SYNE1: variants seen among roughly 807,000 people sequenced by gnomAD.
SYNE1 encodes nesprin-1.
In SYNE1, 616 loss-of-function variants were observed where a neutral mutation model predicts 1,111.0. The ratio of observed to expected loss-of-function variants is 0.55; its 90% CI spans 0.52 to 0.59. The LOEUF is 0.59. SYNE1 is among the 20% of genes least tolerant of loss of function. The probability of loss-of-function intolerance (pLI) is 0.00; values close to 1 mark genes in which losing one functional copy is unlikely to be tolerated. For missense variants in SYNE1, 10,006 were observed against 10,417.0 expected (o/e 0.96, Z 1.72); for synonymous variants, 3,855 against 3,825.8 (o/e 1.01, Z -0.28).
Position 152,462,781 on chromosome 6 carries a change from T to C in SYNE1, c.2207A>G (p.Glu736Gly). ...TAGCTTGACATTCATAAAAGAGACTTCTAAGGGTTCAGAAAGTTTCTTATG... is the reference window on the plus strand; with the variant it reads ...TAGCTTGACATTCATAAAAGAGACTCCTAAGGGTTCAGAAAGTTTCTTATG... ...EAHKKLSEPL[E>G]VSFMNVKLLI... The change falls in exon 20 of 146, where the codon GAA becomes GGA. Residue 736 changes from glutamate (E) to glycine (G), a missense_variant. Glu to Gly is a moderately conservative substitution (Grantham distance 98). Coordinates refer to ENST00000367255, the MANE Select transcript of SYNE1 (RefSeq NM_182961.4). 1 of 1,614,042 alleles carries C rather than the reference T, an allele frequency of 6.2e-7. No homozygotes were observed. Among genetic ancestry groups the C allele is most frequent in the Non-Finnish European group, 8.5e-7 (1 of 1,179,954 alleles).
At chr6:152,130,692 C>G in intron 145 of SYNE1, 28 bp downstream of exon 145, 2 of 1,613,210 alleles carry the variant, frequency 1.2e-6, no homozygotes, top group Non-Finnish European at 1.7e-6. Context: ...GGTTCTAGAA[C>G]AGTGTGGAAA....
intron 71 of SYNE1, 121 bp from the exon 72 acceptor site, chr6:152,350,456 G>T: frequency 6.7e-7 from 1 of 1,499,666 alleles, no homozygotes; most frequent in South Asian, 1.1e-5. Flanking sequence ...AAAACTACCA[G>T]GAATGGAAAA....
chr6:152,331,287 G>A lies in SYNE1; in HGVS notation c.13398C>T (p.Thr4466=), dbSNP rs765404995. The A allele has an allele frequency of 2.5e-6, 4 of 1,613,998 alleles. No homozygotes were observed. The highest frequency in any genetic ancestry group is 4.5e-5 in the East Asian group (2 of 44,896). The change falls in exon 78 of 146, where the codon ACC becomes ACT. Residue 4466 remains threonine, a synonymous_variant. Coordinates refer to ENST00000367255, the MANE Select transcript of SYNE1 (RefSeq NM_182961.4). ...TQFLMAVFQA[T]SQIQQHERKI... is the part of the protein sequence containing the mutation. ...TTCGCTCATGTTGCTGAATTTGGCT[G>A]GTGGCCTGGAACACTGCCATGAGAA... is the stretch of plus-strand genomic sequence containing the variant.
intron 127 of SYNE1, among the ~76,000 whole-genome samples, chr6:152,192,474 A>G (rs2072789175): frequency 6.6e-6 from 1 of 151,756 alleles, no homozygotes; most frequent in African/African-American, 2.4e-5. Flanking sequence ...TTAAATGTAT[A>G]TTATTATTAT....
intron 5 of SYNE1, among the ~76,000 whole-genome samples, chr6:152,521,567 A>T (rs530091728): frequency 3.9e-5 from 6 of 152,298 alleles, no homozygotes; most frequent in Admixed American, 2.6e-4. Flanking sequence ...TAAAATGTAT[A>T]TGTACTCTTT....
At position 152,615,323 on chromosome 6, in the gene SYNE1, G is replaced by A. The variant is rs115624082; in HGVS notation, c.67+12942C>T. Among the ~76,000 whole-genome samples, 813 of 152,042 alleles carry A rather than the reference G, an allele frequency of 5.3e-3. 7 individuals are homozygous for A. Among genetic ancestry groups the A allele is most frequent in the African/African-American group, 0.018 (764 of 41,478 alleles). On this transcript the variant is annotated intron_variant, in intron 3 of 145. Coordinates refer to ENST00000367255, the MANE Select transcript of SYNE1 (RefSeq NM_182961.4). ...AGTAGGATGTTTAATATTATTAGCC[G>A]TCTTCCAAATATTTATAAATATTTA... is the stretch of plus-strand genomic sequence containing the variant.
rs1491494128 is a variant in SYNE1 at position 152,364,721 on chromosome 6, GAA to G, written c.10145+124_10145+125del. 16 of 1,092,028 alleles carry G rather than the reference GAA, an allele frequency of 1.5e-5. 1 individual carries two copies. The highest frequency in any genetic ancestry group is 1.2e-4 in the East Asian group (5 of 41,314). 67.6% of individuals were successfully genotyped at this position (1,092,028 alleles called of 1,614,324 possible). A position where few individuals can be genotyped will look rare whatever the true frequency, so the allele number is the denominator to read the frequency against. ...GGAAGGAAGGAAGGAAGGAAGGAAG[GAA>G]GGAAGGGAGGAAGGAAAGGAAAGGG... On this transcript the variant is annotated intron_variant, in intron 63 of 145. Transcript: ENST00000367255.
At chr6:152,131,055 C>G (rs991835640) in intron 144 of SYNE1, among the ~76,000 whole-genome samples, 1 of 152,148 alleles carries the variant, frequency 6.6e-6, no homozygotes, top group African/African-American at 2.4e-5. Context: ...GGTAGAAACA[C>G]ATGTGTATAT....
At position 152,326,462 on chromosome 6, in the gene SYNE1, C is replaced by T. The variant is rs1373917177; in HGVS notation, c.15127G>A (p.Asp5043Asn). 6.2e-7 allele frequency: 1 copy of T among 1,614,056 alleles called. No individual in the cohort carries two copies. ...TCCTCCAGGTTACTATGGAACTGATCCTCTGTACTGAAAAATTCCATGTGG... is the reference window on the plus strand; with the variant it reads ...TCCTCCAGGTTACTATGGAACTGATTCTCTGTACTGAAAAATTCCATGTGG... ...KSHMEFFSTE[D>N]QFHSNLEELH... is the part of the protein sequence containing the mutation. Residue 5043 changes from aspartate to asparagine, a missense_variant, in exon 79 of 146, where the codon GAT (aspartate) becomes AAT (asparagine). By Grantham distance (23) the Asp-to-Asn change is conservative. This residue lies in a region of SYNE1 where 4,955 missense variants were observed against 5,017.2 expected (regional missense o/e 0.99). Coordinates refer to ENST00000367255, the MANE Select transcript of SYNE1 (RefSeq NM_182961.4).
chr6:152,399,521 T>C (rs2097781419), intron 48 of SYNE1, 95 bp downstream of exon 48: 1 of 1,467,300 alleles, frequency 6.8e-7, no homozygotes. Flanking sequence ...CCCTGGAAAG[T>C]TTCCTCAAAC....
chr6:152,355,629 C>T (rs1259239576), intron 66 of SYNE1, among the ~76,000 whole-genome samples: 13 of 87,116 alleles, frequency 1.5e-4, no homozygotes, highest in Admixed American at 1.5e-3. Flanking sequence ...AGAGCATATG[C>T]TATTTTTTAT....
chr6:152,428,800 G>T (rs1238170399), intron 36 of SYNE1, among the ~76,000 whole-genome samples: 1 of 152,004 alleles, frequency 6.6e-6, no homozygotes, highest in Non-Finnish European at 1.5e-5. Context: ...ATGATTTGCA[G>T]CAAGACATAG....
At chr6:152,423,646 T>G (rs888872489) in intron 39 of SYNE1, among the ~76,000 whole-genome samples, 8 of 152,336 alleles carry the variant, frequency 5.3e-5, no homozygotes, top group African/African-American at 1.9e-4. Flanking sequence ...TTCCCTGTCC[T>G]TAAACACTAG....
chr6:152,576,383 T>C (rs930653047), intron 3 of SYNE1, among the ~76,000 whole-genome samples: 1 of 152,204 alleles, frequency 6.6e-6, no homozygotes, highest in African/African-American at 2.4e-5. Context: ...GTTAGGTTTT[T>C]CTTCCAATCA....
intron 21 of SYNE1, 151 bp from the exon 22 acceptor site, chr6:152,459,081 C>G: frequency 1.3e-6 from 1 of 765,082 alleles, no homozygotes; most frequent in Non-Finnish European, 2.2e-6. Context: ...GATATTTCCT[C>G]TATATTGTCA....
rs747001036 is a variant in SYNE1 at position 152,338,247 on chromosome 6, AT to A, written c.12351+993del. 6.7e-4 allele frequency among the ~76,000 whole-genome samples: 102 copies of A among 152,280 alleles called. 1 individual carries two copies. The highest frequency in any genetic ancestry group is 1.3e-3 in the East Asian group (7 of 5,186). ...AAGAGAAAAACCTTATTATTTTGAC[AT>A]TTTTTTCCTGTGAATCATTTTACTG... On this transcript the variant is annotated intron_variant, in intron 75 of 145. Coordinates refer to ENST00000367255, the MANE Select transcript of SYNE1 (RefSeq NM_182961.4).
chr6:152,251,958 C>A (rs888953505), intron 104 of SYNE1, among the ~76,000 whole-genome samples: 1 of 149,912 alleles, frequency 6.7e-6, no homozygotes, highest in African/African-American at 2.5e-5. Context: ...AACAGATTTG[C>A]AGAAAGTTTC....
chr6:152,272,955 G>C (rs535927740), intron 98 of SYNE1, among the ~76,000 whole-genome samples: 3 of 152,118 alleles, frequency 2.0e-5, no homozygotes, highest in Non-Finnish European at 4.4e-5. Flanking sequence ...ATGTAAACAG[G>C]GCTCCTTTTC....
At chr6:152,478,497 C>G (rs952350773) in intron 14 of SYNE1, 1 of 152,180 alleles carries the variant, frequency 6.6e-6, no homozygotes, top group African/African-American at 2.4e-5. Context: ...AGGTTGGCCT[C>G]GGCCCAGAGC....
Sources: gnomAD v4.1 joint callset for allele counts (sites outside exome capture counted in the v4.1 genomes callset) on GRCh38, gnomAD v4.1.1 for gene constraint, gnomAD v4.1.1 regional missense constraint, MANE v1.5 for transcripts, NCBI Gene and HGNC (gene_info 2026-07-23, HGNC 2026-07-21) for gene names.